UGCG: variants seen among roughly 807,000 people sequenced by gnomAD.
The protein encoded by UGCG is ceramide glucosyltransferase.
Under a neutral mutation model 49.5 loss-of-function variants are expected in UGCG, and 10 were observed. The ratio of observed to expected loss-of-function variants is 0.20; its 90% CI spans 0.12 to 0.34. UGCG has a LOEUF of 0.34. Among genes scored for constraint, UGCG ranks in the 10% least tolerant of loss-of-function variants. The pLI is 1.00. For missense variants in UGCG, 312 were observed against 483.7 expected (o/e 0.65, Z 3.33); for synonymous variants, 182 against 158.2 (o/e 1.15, Z -1.13).
At position 111,913,693 on chromosome 9, in the gene UGCG, G is replaced by A. The variant is rs181608659; in HGVS notation, c.99-912G>A. On this transcript the variant is annotated intron_variant, in intron 1 of 8. Coordinates refer to ENST00000374279, the MANE Select transcript of UGCG (RefSeq NM_003358.3). ...GACCTCAAGTGATCCACCCGCCTCAGCCTCCCAAAGTGCTGGGATTACACA... is the reference window on the plus strand; with the variant it reads ...GACCTCAAGTGATCCACCCGCCTCAACCTCCCAAAGTGCTGGGATTACACA... Among the ~76,000 whole-genome samples, 465 of 150,648 alleles carry A rather than the reference G, an allele frequency of 3.1e-3. 3 individuals are homozygous for A. Among genetic ancestry groups the A allele is most frequent in the African/African-American group, 0.011 (452 of 40,920 alleles).
chr9:111,897,384 G>A (rs1267654809), intron 1 of UGCG, 71 bp downstream of exon 1: 8 of 1,291,680 alleles, frequency 6.2e-6, no homozygotes, highest in Non-Finnish European at 8.6e-6. Context: ...AATGGGAAAC[G>A]TTTGCGCTTT....
chr9:111,910,526 G>A (rs1393488857), intron 1 of UGCG, among the ~76,000 whole-genome samples: 6 of 152,092 alleles, frequency 3.9e-5, no homozygotes, highest in Admixed American at 1.3e-4. Context: ...TTGTGAGTAC[G>A]TAAGATTCTG....
chr9:111,908,273 A>G (rs1837929739), intron 1 of UGCG, among the ~76,000 whole-genome samples: 1 of 152,198 alleles, frequency 6.6e-6, no homozygotes, highest in African/African-American at 2.4e-5. Context: ...ATGATAGCTA[A>G]ATGTAACAAC....
intron 1 of UGCG, among the ~76,000 whole-genome samples, chr9:111,906,868 G>T (rs1004827765): frequency 2.0e-5 from 3 of 152,162 alleles, no homozygotes; most frequent in Admixed American, 6.5e-5. Flanking sequence ...AAATGATCCT[G>T]GTTGCTTCCT....
At chr9:111,926,881 TTTTTTTTTTG>T (rs1432420746) in intron 5 of UGCG, among the ~76,000 whole-genome samples, 1 of 120,624 alleles carries the variant, frequency 8.3e-6, no homozygotes, top group Non-Finnish European at 1.7e-5. Context: ...TTTTTTTTTT[TTTTTTTTTTG>T]CGACAGAGCC....
chr9:111,911,923 TA>T (rs1838006989), intron 1 of UGCG, among the ~76,000 whole-genome samples: 1 of 21,670 alleles, frequency 4.6e-5, no homozygotes. Flanking sequence ...TATATATATA[TA>T]TATATATATA....
intron 2 of UGCG, 151 bp downstream of exon 2, chr9:111,914,897 A>G (rs1400284609): frequency 6.2e-6 from 7 of 1,132,866 alleles, no homozygotes; most frequent in Non-Finnish European, 8.3e-6. Context: ...AGTAGTAGTC[A>G]TCACAGAACA....
chr9:111,922,992 T>C, intron 3 of UGCG, 41 bp downstream of exon 3: 2 of 1,322,128 alleles, frequency 1.5e-6, no homozygotes, highest in Middle Eastern at 3.8e-4. Context: ...CCATTGATAG[T>C]ATTAAGTATC....
chr9:111,906,949 A>G (rs895177831), intron 1 of UGCG, among the ~76,000 whole-genome samples: 6 of 152,248 alleles, frequency 3.9e-5, no homozygotes, highest in Admixed American at 3.9e-4. Context: ...CTGTGAAGTC[A>G]CGAAGAATTT....
At chr9:111,903,417 T>C (rs560977333) in intron 1 of UGCG, among the ~76,000 whole-genome samples, 2 of 150,770 alleles carry the variant, frequency 1.3e-5, no homozygotes, top group South Asian at 2.1e-4. Flanking sequence ...ATACAAAAAT[T>C]AGCTGGGTGT....
Position 111,923,214 on chromosome 9 carries a change from A to G in UGCG, c.343+263A>G, listed in dbSNP as rs139674484. Among the ~76,000 whole-genome samples, 404 of 152,238 alleles carry G rather than the reference A, an allele frequency of 2.7e-3. 1 individual carries two copies. Among genetic ancestry groups the G allele is most frequent in the African/African-American group, 8.8e-3 (365 of 41,544 alleles). ...GGGTCTGTTATTTTTTGTTTCTTCAATATTTTAAATGTGTGGCCTTTTCTG... is the reference window on the plus strand; with the variant it reads ...GGGTCTGTTATTTTTTGTTTCTTCAGTATTTTAAATGTGTGGCCTTTTCTG... On this transcript the variant is annotated intron_variant, in intron 3 of 8. Transcript: ENST00000374279.
intron 1 of UGCG, among the ~76,000 whole-genome samples, chr9:111,912,091 T>A (rs1444475995): frequency 6.8e-6 from 1 of 146,204 alleles, no homozygotes; most frequent in Admixed American, 6.8e-5. Flanking sequence ...TAAACTTTTT[T>A]CCCCAGCAGT....
At chr9:111,913,702 A>C (rs1342624386) in intron 1 of UGCG, among the ~76,000 whole-genome samples, 1 of 151,072 alleles carries the variant, frequency 6.6e-6, no homozygotes, top group Non-Finnish European at 1.5e-5. Context: ...AGCCTCCCAA[A>C]GTGCTGGGAT....
rs949943987 is a variant in UGCG at position 111,934,483 on chromosome 9, A to G, written c.*1486A>G. On this transcript the variant is annotated 3_prime_UTR_variant, in exon 9 of 9. Transcript: ENST00000374279. ...CACAGGAATGCCTACTGCAGGGCTA[A>G]CACTGGCAATATGGCAGCTTTAAAT... 6.6e-6 allele frequency: 1 copy of G among 152,194 alleles called. No homozygotes were observed. The highest frequency in any genetic ancestry group is 2.4e-5 in the African/African-American group (1 of 41,444). The allele number at this position is 152,194 out of a possible 1,614,324, so 9.4% of individuals were successfully genotyped here. A position where few individuals can be genotyped will look rare whatever the true frequency, so the allele number is the denominator to read the frequency against.
intron 1 of UGCG, among the ~76,000 whole-genome samples, chr9:111,913,811 T>C (rs1452132011): frequency 2.0e-5 from 3 of 152,124 alleles, no homozygotes; most frequent in Non-Finnish European, 4.4e-5. Context: ...AGTGAGAACG[T>C]TGGCCATTTG....
chr9:111,921,771 AT>A (rs1422827947), intron 2 of UGCG, among the ~76,000 whole-genome samples: 1 of 143,006 alleles, frequency 7.0e-6, no homozygotes, highest in Non-Finnish European at 1.5e-5. Context: ...ATAGGGTCCA[AT>A]TCTCTTTTTA....
At chr9:111,910,710 G>A (rs1039897447) in intron 1 of UGCG, among the ~76,000 whole-genome samples, 1 of 152,114 alleles carries the variant, frequency 6.6e-6, no homozygotes, top group Non-Finnish European at 1.5e-5. Flanking sequence ...CCAAACCCAC[G>A]TGGTGAGGTG....
intron 2 of UGCG, chr9:111,915,839 AG>A: frequency 1.0e-6 from 1 of 981,144 alleles, no homozygotes; most frequent in Non-Finnish European, 1.2e-6. Context: ...CTTATTAAGT[AG>A]GTAGACATGA....
intron 1 of UGCG, among the ~76,000 whole-genome samples, chr9:111,912,702 A>C (rs1203727641): frequency 1.3e-5 from 2 of 152,230 alleles, no homozygotes; most frequent in Admixed American, 6.5e-5. Context: ...ACAAGTTTCT[A>C]AAAGGTTTCA....
Sources: gnomAD v4.1 joint callset for allele counts (sites outside exome capture counted in the v4.1 genomes callset) on GRCh38, gnomAD v4.1.1 for gene constraint, MANE v1.5 for transcripts, NCBI Gene and HGNC (gene_info 2026-07-23, HGNC 2026-07-21) for gene names.